Variants in RBM47 observed in about 807,000 individuals in gnomAD.
RBM47 encodes RNA binding motif protein 47, also known as RNA-binding protein 47.
Under a neutral mutation model 47.1 loss-of-function variants are expected in RBM47, and 21 were observed. The ratio of observed to expected loss-of-function variants is 0.45; its 90% CI spans 0.32 to 0.64. The LOEUF is 0.64. RBM47 is among the 30% of genes least tolerant of loss of function. RBM47 has a pLI of 0.05. For synonymous variants in RBM47, 375 were observed against 361.7 expected (o/e 1.04, Z -0.42); for missense variants, 708 against 870.9 (o/e 0.81, Z 2.35).
intron 3 of RBM47, among the ~76,000 whole-genome samples, chr4:40,448,778 T>C (rs1367124355): frequency 6.6e-6 from 1 of 152,206 alleles, no homozygotes; most frequent in Non-Finnish European, 1.5e-5. Context: ...ATTATTATTA[T>C]TACTTTAAAG....
chr4:40,588,891 T>C (rs17625986), intron 1 of RBM47, among the ~76,000 whole-genome samples: 33,482 of 151,760 alleles, frequency 0.22, 3,823 homozygotes, highest in Middle Eastern at 0.26. Flanking sequence ...TCTCTTTCAG[T>C]CCCTTTTTGT....
rs1726051698 is a variant in RBM47, at chr4:40,520,096, C to A, written c.-155+24326G>T. Among the ~76,000 whole-genome samples, 3 of 152,290 alleles carry A rather than the reference C, an allele frequency of 2.0e-5. No individual in the cohort carries two copies. In the South Asian group the frequency reaches 6.2e-4, roughly 32 times the overall value. On this transcript the variant is annotated intron_variant, in intron 2 of 6. Transcript: ENST00000295971. ...CAACCAAAAAATATGGCTTCTCCCA[C>A]TTTGGGTAAGCCTTTTATGTTCTTT...
intron 1 of RBM47, among the ~76,000 whole-genome samples, chr4:40,575,590 T>C (rs1222717042): frequency 1.4e-5 from 2 of 144,608 alleles, no homozygotes; most frequent in Non-Finnish European, 3.0e-5. Flanking sequence ...TAGCTACCTA[T>C]AAAGAAGTCT....
chr4:40,477,047 G>A (rs1477877155), intron 2 of RBM47, among the ~76,000 whole-genome samples: 2 of 152,072 alleles, frequency 1.3e-5, no homozygotes, highest in Non-Finnish European at 2.9e-5. Flanking sequence ...CTCGGGCGTG[G>A]TGGTGGGCTC....
At chr4:40,567,452 A>G (rs531009822) in intron 1 of RBM47, among the ~76,000 whole-genome samples, 1 of 152,216 alleles carries the variant, frequency 6.6e-6, no homozygotes, top group South Asian at 2.1e-4. Context: ...GTATCTTTGA[A>G]AAGTTAAGTA....
At chr4:40,528,950 AAATAAATAAATAAAT>A (rs1727062384) in intron 2 of RBM47, among the ~76,000 whole-genome samples, 1 of 45,340 alleles carries the variant, frequency 2.2e-5, no homozygotes, top group African/African-American at 2.9e-4. Flanking sequence ...CTCAAAAAAA[AAATAAATAAATAAAT>A]AAATAAATAA....
chr4:40,571,889 G>A (rs973777433), intron 1 of RBM47, among the ~76,000 whole-genome samples: 6 of 151,582 alleles, frequency 4.0e-5, no homozygotes, highest in African/African-American at 1.5e-4. Flanking sequence ...CAGGCGTGGT[G>A]GTCCATGCCT....
intron 2 of RBM47, among the ~76,000 whole-genome samples, chr4:40,500,743 G>A (rs1723247654): frequency 6.6e-6 from 1 of 152,158 alleles, no homozygotes; most frequent in Non-Finnish European, 1.5e-5. Flanking sequence ...TTTACCAAAT[G>A]AATTAGAAGG....
intron 2 of RBM47, among the ~76,000 whole-genome samples, chr4:40,502,986 CAAAAAA>C (rs35856007): frequency 2.3e-5 from 2 of 86,480 alleles, no homozygotes; most frequent in Non-Finnish European, 4.5e-5. Flanking sequence ...CCTGTCTGTA[CAAAAAA>C]AAAAAAAAAA....
chr4:40,503,829 T>C (rs953464246), intron 2 of RBM47, among the ~76,000 whole-genome samples: 4 of 151,866 alleles, frequency 2.6e-5, no homozygotes, highest in Admixed American at 1.3e-4. Context: ...AGAGATTTCA[T>C]ATTAAAGACA....
chr4:40,598,033 T>C (rs1266067898), intron 1 of RBM47, among the ~76,000 whole-genome samples: 1 of 152,216 alleles, frequency 6.6e-6, no homozygotes, highest in Non-Finnish European at 1.5e-5. Context: ...CAGGGAGCTA[T>C]ATTAAGTCTC....
chr4:40,512,024 G>C (rs956343249), intron 2 of RBM47, among the ~76,000 whole-genome samples: 1 of 152,108 alleles, frequency 6.6e-6, no homozygotes, highest in East Asian at 1.9e-4. Flanking sequence ...GGGAAACAAG[G>C]AATGACAAGT....
intron 1 of RBM47, among the ~76,000 whole-genome samples, chr4:40,576,239 T>G (rs1732296659): frequency 1.0e-5 from 1 of 95,286 alleles, no homozygotes; most frequent in Non-Finnish European, 2.0e-5. Flanking sequence ...TTCTCTTTTC[T>G]GTTTTTTTTT....
intron 2 of RBM47, among the ~76,000 whole-genome samples, chr4:40,472,852 A>G (rs972886337): frequency 1.3e-5 from 2 of 152,136 alleles, no homozygotes; most frequent in African/African-American, 4.8e-5. Context: ...ATCCCCTTTT[A>G]TAGTTTTTGC....
At chr4:40,618,781 C>T (rs1210206509) in intron 1 of RBM47, among the ~76,000 whole-genome samples, 2 of 134,924 alleles carry the variant, frequency 1.5e-5, no homozygotes, top group African/African-American at 5.5e-5. Flanking sequence ...TGCACTCCAG[C>T]CTAGGCAACA....
chr4:40,519,659 CTTTTTTTTTT>C (rs35250968), intron 2 of RBM47, among the ~76,000 whole-genome samples: 25,087 of 95,452 alleles, frequency 0.26, 2,789 homozygotes, highest in African/African-American at 0.34. Context: ...CCCTACCCTC[CTTTTTTTTTT>C]TTTTTTTTTT....
At chr4:40,485,588 C>T (rs940137923) in intron 2 of RBM47, among the ~76,000 whole-genome samples, 3 of 151,978 alleles carry the variant, frequency 2.0e-5, no homozygotes, top group African/African-American at 7.3e-5. Flanking sequence ...TTAGAAACAC[C>T]AATGCTAAAA....
intron 2 of RBM47, among the ~76,000 whole-genome samples, chr4:40,536,218 T>C (rs984418314): frequency 6.6e-5 from 10 of 152,190 alleles, no homozygotes; most frequent in Admixed American, 6.5e-4. Flanking sequence ...TCAGACATTC[T>C]ATTTCTGTCT....
intron 1 of RBM47, among the ~76,000 whole-genome samples, chr4:40,589,685 C>T (rs1376446539): frequency 6.6e-6 from 1 of 152,186 alleles, no homozygotes; most frequent in African/African-American, 2.4e-5. Flanking sequence ...GTGATCCACC[C>T]GCCTCGGCCT....
Sources: allele counts gnomAD v4.1 joint callset (sites outside exome capture counted in the v4.1 genomes callset), GRCh38; gene constraint gnomAD v4.1.1; transcripts MANE v1.5; gene names NCBI Gene and HGNC (gene_info 2026-07-23, HGNC 2026-07-21).